RASL12: variants seen among roughly 807,000 people sequenced by gnomAD.
RASL12 encodes RAS like family 12, also known as ras-like protein family member 12.
Under a neutral mutation model 22.9 loss-of-function variants are expected in RASL12, and 16 were observed. That is an observed-to-expected ratio of 0.70 (90% CI 0.47 to 1.06). The LOEUF is 1.06. RASL12 is among the 50% of genes least tolerant of loss of function. RASL12 has a pLI of 0.00. For missense variants in RASL12, 306 were observed against 353.1 expected (o/e 0.87, Z 1.07); for synonymous variants, 159 against 152.2 (o/e 1.04, Z -0.33).
downstream of RASL12, among the ~76,000 whole-genome samples, chr15:65,051,184 G>C (rs1179507537): frequency 1.3e-5 from 2 of 152,078 alleles, no homozygotes; most frequent in Non-Finnish European, 2.9e-5. Context: ...AGCCCAGGCT[G>C]GCAAAACTGA....
downstream of RASL12, chr15:65,052,947 C>A: frequency 6.6e-7 from 1 of 1,519,002 alleles, no homozygotes; most frequent in Non-Finnish European, 9.0e-7. Context: ...CTCATTAACA[C>A]TGTTCCCTGT....
chr15:65,057,123 G>A (rs921733882), intron 4 of RASL12, among the ~76,000 whole-genome samples: 15 of 152,170 alleles, frequency 9.9e-5, no homozygotes, highest in Non-Finnish European at 4.4e-5. Flanking sequence ...GGCCACCTTT[G>A]AAGGCCTCTC....
downstream of RASL12, chr15:65,053,140 G>A (rs772899639): frequency 3.4e-5 from 55 of 1,613,924 alleles, no homozygotes; most frequent in African/African-American, 1.6e-4. Flanking sequence ...TTTTCCTTCC[G>A]GATGTACCAG....
intron 2 of RASL12, among the ~76,000 whole-genome samples, chr15:65,060,002 T>C (rs1042635661): frequency 6.6e-6 from 1 of 152,252 alleles, no homozygotes; most frequent in African/African-American, 2.4e-5. Context: ...TTAAACCCAA[T>C]GTCAGCTGCT....
chr15:65,063,566 G>T (rs1437367456), intron 2 of RASL12, among the ~76,000 whole-genome samples: 1 of 152,154 alleles, frequency 6.6e-6, no homozygotes, highest in African/African-American at 2.4e-5. Flanking sequence ...AGCACTGAAG[G>T]GCTGTGCCAA....
intron 3 of RASL12, 56 bp downstream of exon 3, chr15:65,059,289 T>G: frequency 2.0e-6 from 3 of 1,492,312 alleles, no homozygotes; most frequent in Non-Finnish European, 2.8e-6. Context: ...GGGCCAGGAC[T>G]TCTCAGGAGG....
chr15:65,051,661 T>C (rs2086654877), downstream of RASL12: 27 of 1,537,822 alleles, frequency 1.8e-5, no homozygotes, highest in South Asian at 2.7e-4. Context: ...AGGCCCTGCC[T>C]TCCCAGAGGG....
Position 65,054,692 on chromosome 15 carries a change from C to T in RASL12, c.*207G>A. On this transcript the variant is annotated 3_prime_UTR_variant, in exon 5 of 5. Transcript: ENST00000220062. ...TCTACGGCCACAGACGCGGTGGTTACCATGAAGACCAAGGCCTGGAGGGAA... is the reference window on the plus strand; with the variant it reads ...TCTACGGCCACAGACGCGGTGGTTATCATGAAGACCAAGGCCTGGAGGGAA... 7.1e-7 allele frequency: 1 copy of T among 1,399,752 alleles called. No homozygotes were observed. The highest frequency in any genetic ancestry group is 9.3e-7 in the Non-Finnish European group (1 of 1,079,240). 86.7% of individuals were successfully genotyped at this position (1,399,752 alleles called of 1,614,324 possible).
chr15:65,071,681 TCTC>T (rs1295011670), upstream of RASL12, among the ~76,000 whole-genome samples: 14 of 152,032 alleles, frequency 9.2e-5, no homozygotes, highest in Non-Finnish European at 2.1e-4. Context: ...ACTCCCTCCT[TCTC>T]CTGCTCTCAG....
At chr15:65,065,394 C>A in intron 1 of RASL12, 121 bp from the exon 2 acceptor site, 1 of 909,438 alleles carries the variant, frequency 1.1e-6, no homozygotes, top group East Asian at 2.7e-5. Flanking sequence ...CTCAGCTCTC[C>A]CAGAGAATGA....
chr15:65,068,061 T>A, upstream of RASL12: 2 of 1,085,962 alleles, frequency 1.8e-6, no homozygotes, highest in Non-Finnish European at 2.2e-6. The surrounding 1 kb of genome is among the most constrained non-coding windows in gnomAD (Gnocchi z 4.2). Flanking sequence ...ACCAAATTCC[T>A]TGTAAGGGCT....
chr15:65,062,211 C>A (rs570088615), intron 2 of RASL12, among the ~76,000 whole-genome samples: 1 of 152,204 alleles, frequency 6.6e-6, no homozygotes, highest in Non-Finnish European at 1.5e-5. Context: ...CCTGGAGACG[C>A]CTGCCCACTC....
intron 1 of RASL12, among the ~76,000 whole-genome samples, chr15:65,073,915 G>A (rs1476524000): frequency 2.0e-5 from 3 of 152,122 alleles, no homozygotes; most frequent in Admixed American, 6.5e-5. Flanking sequence ...ATTTCAGGAA[G>A]CCCTTCTTCC....
chr15:65,047,261 G>A, the RASL12 span, among the ~76,000 whole-genome samples: 3 of 151,196 alleles, frequency 2.0e-5, no homozygotes, highest in African/African-American at 7.3e-5. Flanking sequence ...TCTTGAACCT[G>A]GGAGGCGGTG....
exon 1 of RASL12, chr15:65,076,543 G>C (rs1389258710): frequency 1.4e-6 from 1 of 701,102 alleles, no homozygotes; most frequent in Admixed American, 2.0e-5. Flanking sequence ...AGGGTCCGCG[G>C]CTTCATTCTT....
chr15:65,053,187 C>T, downstream of RASL12: 1 of 1,612,404 alleles, frequency 6.2e-7, no homozygotes, highest in Non-Finnish European at 8.5e-7. Flanking sequence ...GAAGCCCCAT[C>T]CTAAGCCAGA....
chr15:65,059,259 T>A, intron 3 of RASL12, 86 bp downstream of exon 3: 1 of 1,159,128 alleles, frequency 8.6e-7, no homozygotes, highest in South Asian at 1.2e-5. Context: ...TCTAAATGCC[T>A]ATCTGAGGTC....
At chr15:65,050,982 T>C (rs2086646679), downstream of RASL12, among the ~76,000 whole-genome samples, 1 of 151,932 alleles carries the variant, frequency 6.6e-6, no homozygotes, top group South Asian at 2.1e-4. Flanking sequence ...GTAGCTGGGA[T>C]TACAGTGTAT....
At chr15:65,076,134 G>A (rs142151253) in intron 1 of RASL12, among the ~76,000 whole-genome samples, 1 of 152,228 alleles carries the variant, frequency 6.6e-6, no homozygotes, top group African/African-American at 2.4e-5. Flanking sequence ...ATGTGAGTGG[G>A]GCCAGATAAG....
Sources: gnomAD v4.1 joint callset for allele counts (sites outside exome capture counted in the v4.1 genomes callset) on GRCh38, gnomAD v4.1.1 for gene constraint, Gnocchi (gnomAD v3.1) non-coding constraint, MANE v1.5 for transcripts, NCBI Gene and HGNC (gene_info 2026-07-23, HGNC 2026-07-21) for gene names.